The following CEP83 variants were observed in gnomAD, a reference collection of about 807,000 sequenced individuals.
CEP83 encodes the protein centrosomal protein 83, also known as centrosomal protein of 83 kDa.
In CEP83, 70 loss-of-function variants were observed where a neutral mutation model predicts 101.9. That is an observed-to-expected ratio of 0.69 (90% CI 0.57 to 0.84). CEP83 has a LOEUF of 0.84. CEP83 is among the 40% of genes least tolerant of loss of function. The pLI, the probability that CEP83 is intolerant of heterozygous loss-of-function variation, is 0.00. For missense variants in CEP83, 715 were observed against 787.2 expected, an observed-to-expected ratio of 0.91 and a Z score of 1.10; for synonymous variants, 264 against 267.9, an observed-to-expected ratio of 0.99 and a Z score of 0.14.
chr12:94,433,997 AACTAC>A (rs2065823956), intron 2 of CEP83: 1 of 152,230 alleles, frequency 6.6e-6, no homozygotes, highest in African/African-American at 2.4e-5. Flanking sequence ...CACTCAGAAT[AACTAC>A]CTTTTTTCCA....
At chr12:94,366,395 A>G (rs1308397951) in intron 11 of CEP83, among the ~76,000 whole-genome samples, 1 of 152,192 alleles carries the variant, frequency 6.6e-6, no homozygotes, top group Non-Finnish European at 1.5e-5. Flanking sequence ...ATACACAAAT[A>G]TTACATGTAA....
At chr12:94,268,015 G>A in the CEP83 span, among the ~76,000 whole-genome samples, 2 of 152,132 alleles carry the variant, frequency 1.3e-5, no homozygotes, top group Non-Finnish European at 2.9e-5. Context: ...GAGGTTGGGG[G>A]CAGATTCTTT....
chr12:94,423,092 T>C (rs1234713231), intron 2 of CEP83, among the ~76,000 whole-genome samples: 2 of 152,168 alleles, frequency 1.3e-5, no homozygotes, highest in African/African-American at 4.8e-5. Context: ...GAGAATTTTT[T>C]TTTTTTTCTG....
intron 14 of CEP83, among the ~76,000 whole-genome samples, chr12:94,330,562 C>T (rs1035283888): frequency 6.6e-6 from 1 of 152,204 alleles, no homozygotes; most frequent in Non-Finnish European, 1.5e-5. Context: ...AAAAGGATCA[C>T]AATGCTGTGG....
At chr12:94,333,289 C>A (rs1364955044) in intron 13 of CEP83, among the ~76,000 whole-genome samples, 193 bp downstream of exon 13, 1 of 151,870 alleles carries the variant, frequency 6.6e-6, no homozygotes, top group Non-Finnish European at 1.5e-5. Flanking sequence ...TTTTTAAAAA[C>A]AATTCAAGAG....
intron 11 of CEP83, among the ~76,000 whole-genome samples, chr12:94,340,233 A>G (rs1369380085): frequency 6.6e-6 from 1 of 152,250 alleles, no homozygotes; most frequent in Non-Finnish European, 1.5e-5. Context: ...ATAAATGTTC[A>G]GCTTCCCTTT....
chr12:94,436,854 AAAAAG>A (rs1012537280), intron 1 of CEP83, among the ~76,000 whole-genome samples: 4 of 151,522 alleles, frequency 2.6e-5, no homozygotes, highest in South Asian at 2.1e-4. Context: ...AGAAGGAAAG[AAAAAG>A]AAAAGAAAAG....
intron 11 of CEP83, among the ~76,000 whole-genome samples, chr12:94,340,598 C>T (rs1281443376): frequency 1.3e-5 from 2 of 152,038 alleles, no homozygotes; most frequent in African/African-American, 4.8e-5. Context: ...CACCACACCC[C>T]ACTAATTTTT....
At position 94,356,324 on chromosome 12, in the gene CEP83, A is replaced by G. The variant is rs181800648; in HGVS notation, c.1343+11470T>C. On this transcript the variant is annotated intron_variant, in intron 11 of 16. Transcript: ENST00000397809. ...AGTGAAGTAACAGAAGAGGTTACAG[A>G]GCATGTTTATTTGCCAGCTAAAGCT... Among the ~76,000 whole-genome samples the G allele has an allele frequency of 1.9e-4, 29 of 152,312 alleles. No individual in the cohort carries two copies. In the Middle Eastern group the frequency reaches 0.01, roughly 54 times the overall value.
chr12:94,296,274 C>T, the CEP83 span, among the ~76,000 whole-genome samples: 3 of 152,192 alleles, frequency 2.0e-5, no homozygotes, highest in Non-Finnish European at 4.4e-5. Flanking sequence ...GATCCTCCCA[C>T]CTCAGCCTCC....
At chr12:94,292,014 G>A in the CEP83 span, among the ~76,000 whole-genome samples, 1 of 152,108 alleles carries the variant, frequency 6.6e-6, no homozygotes, top group Non-Finnish European at 1.5e-5. Flanking sequence ...GCTTCTTCGC[G>A]TGTTTTTGCA....
At chr12:94,372,851 T>C (rs897895154) in intron 8 of CEP83, among the ~76,000 whole-genome samples, 1 of 152,256 alleles carries the variant, frequency 6.6e-6, no homozygotes, top group Non-Finnish European at 1.5e-5. Context: ...TACTCATTTA[T>C]GGATCTAAAG....
intron 1 of CEP83, among the ~76,000 whole-genome samples, chr12:94,452,983 C>T (rs1274719002): frequency 1.3e-5 from 2 of 152,160 alleles, no homozygotes; most frequent in Admixed American, 1.3e-4. Context: ...ACTTAAACTA[C>T]CCCCATTTGC....
downstream of CEP83, chr12:94,304,093 C>A (rs1424290205): frequency 6.6e-6 from 8 of 1,208,494 alleles, no homozygotes; most frequent in Non-Finnish European, 9.6e-6. Context: ...TTGAATCAGG[C>A]ACAAGGATGT....
At chr12:94,272,945 G>T in the CEP83 span, among the ~76,000 whole-genome samples, 13 of 152,174 alleles carry the variant, frequency 8.5e-5, no homozygotes, top group Non-Finnish European at 1.9e-4. Context: ...AAGCAGAGGG[G>T]AACTGCCCTT....
intron 2 of CEP83, among the ~76,000 whole-genome samples, chr12:94,431,079 T>C (rs898868178): frequency 2.0e-5 from 3 of 152,168 alleles, no homozygotes; most frequent in Non-Finnish European, 1.5e-5. Flanking sequence ...TCTAAACATA[T>C]ATGCACCCAA....
intron 8 of CEP83, among the ~76,000 whole-genome samples, chr12:94,370,667 T>C (rs998584192): frequency 6.6e-6 from 1 of 152,318 alleles, no homozygotes; most frequent in South Asian, 2.1e-4. Context: ...TGTAATCCAC[T>C]GCACTTGGCC....
intron 1 of CEP83, among the ~76,000 whole-genome samples, chr12:94,455,162 C>A (rs920413094): frequency 6.6e-6 from 1 of 152,206 alleles, no homozygotes; most frequent in Non-Finnish European, 1.5e-5. Context: ...ATGTGGAAAA[C>A]AATGTGAAAG....
chr12:94,404,733 TAAATA>T (rs1448010220), intron 4 of CEP83, among the ~76,000 whole-genome samples: 5 of 152,138 alleles, frequency 3.3e-5, no homozygotes, highest in Admixed American at 3.3e-4. Flanking sequence ...TACAATTACA[TAAATA>T]AAATAATTCA....
Sources: gnomAD v4.1 joint callset for allele counts (sites outside exome capture counted in the v4.1 genomes callset) on GRCh38, gnomAD v4.1.1 for gene constraint, MANE v1.5 for transcripts, NCBI Gene and HGNC (gene_info 2026-07-23, HGNC 2026-07-21) for gene names.